AKT3: variants seen among roughly 807,000 people sequenced by gnomAD.
The protein encoded by AKT3 is RAC-gamma serine/threonine-protein kinase.
Under a neutral mutation model 65.3 loss-of-function variants are expected in AKT3, and 15 were observed. The observed-to-expected ratio is 0.23, with a 90% CI of 0.15 to 0.35. AKT3 has a LOEUF of 0.35. Ranked by LOEUF, AKT3 falls within the 10% of genes least tolerant of loss-of-function variation. AKT3 has a pLI of 1.00. For synonymous variants in AKT3, 206 were observed against 183.8 expected (o/e 1.12, Z -0.98); for missense variants, 243 against 576.5 (o/e 0.42, Z 5.92).
chr1:243,606,103 T>C (rs966922762), intron 8 of AKT3, among the ~76,000 whole-genome samples: 2 of 152,214 alleles, frequency 1.3e-5, no homozygotes, highest in Admixed American at 6.5e-5. Flanking sequence ...ATTAAACCTC[T>C]TTCCTTTATA....
At chr1:243,657,592 G>T (rs1437186251) in intron 4 of AKT3, among the ~76,000 whole-genome samples, 1 of 151,906 alleles carries the variant, frequency 6.6e-6, no homozygotes, top group African/African-American at 2.4e-5. Flanking sequence ...CAGATTCAAT[G>T]CAATCCTTTT....
Position 243,503,205 on chromosome 1 carries a change from AAAG to A in AKT3, c.*2041_*2043del, listed in dbSNP as rs1669435288. The A allele has an allele frequency of 8.6e-6, 2 of 233,606 alleles. No individual in the cohort carries two copies. Among genetic ancestry groups the A allele is most frequent in the East Asian group, 6.0e-5 (1 of 16,600 alleles). 14.5% of individuals were successfully genotyped at this position (233,606 alleles called of 1,614,324 possible). On this transcript the variant is annotated 3_prime_UTR_variant, in exon 14 of 14. Transcript: ENST00000673466. ...AACTTCACTCAGGTAGAAATATGAA[AAAG>A]AAGGATAACGTTGATGTCTGAATAT...
At position 243,825,471 on chromosome 1, in the gene AKT3, A is replaced by G. The variant is rs565413688; in HGVS notation, c.46+17654T>C. ...TTTTAAAAGGAGTCAGTGACAGAGG[A>G]ATAAGAAAATAAGGGATAATAACCA... On this transcript the variant is annotated intron_variant, in intron 2 of 13. Transcript: ENST00000673466. Among the ~76,000 whole-genome samples the G allele has an allele frequency of 9.9e-5, 15 of 152,196 alleles. 1 individual carries two copies. Among genetic ancestry groups the G allele is most frequent in the Non-Finnish European group, 1.9e-4 (13 of 68,036 alleles).
intron 4 of AKT3, among the ~76,000 whole-genome samples, chr1:243,654,603 G>A (rs1681623637): frequency 6.6e-6 from 1 of 152,116 alleles, no homozygotes; most frequent in Admixed American, 6.6e-5. Flanking sequence ...ATAGGCATAA[G>A]ACACAATGCC....
intron 2 of AKT3, among the ~76,000 whole-genome samples, chr1:243,705,018 G>C (rs905877172): frequency 6.6e-6 from 1 of 152,128 alleles, no homozygotes; most frequent in African/African-American, 2.4e-5. Context: ...GTGCTTCCGA[G>C]ATGTCTTAAA....
intron 2 of AKT3, among the ~76,000 whole-genome samples, chr1:243,836,536 A>G (rs1163847227): frequency 6.6e-6 from 1 of 152,086 alleles, no homozygotes; most frequent in Non-Finnish European, 1.5e-5. Context: ...TCTTGACTAG[A>G]TATTTATAAC....
chr1:243,546,492 T>C (rs534726929), intron 11 of AKT3: 4 of 152,224 alleles, frequency 2.6e-5, no homozygotes, highest in Non-Finnish European at 5.9e-5. Context: ...GAATTTTATA[T>C]AGTAGGCTTT....
chr1:243,809,869 A>G (rs1364746240), intron 2 of AKT3, among the ~76,000 whole-genome samples: 1 of 152,254 alleles, frequency 6.6e-6, no homozygotes, highest in Non-Finnish European at 1.5e-5. Flanking sequence ...AGAACTCAGG[A>G]TTAAGAAACT....
At chr1:243,621,223 T>C (rs755598586) in intron 6 of AKT3, among the ~76,000 whole-genome samples, 19 of 152,196 alleles carry the variant, frequency 1.2e-4, no homozygotes, top group Non-Finnish European at 2.8e-4. Flanking sequence ...TTTTCATTTA[T>C]TTGTCTCTCT....
chr1:243,824,511 A>G (rs776259012), intron 2 of AKT3, among the ~76,000 whole-genome samples: 1 of 152,210 alleles, frequency 6.6e-6, no homozygotes, highest in Non-Finnish European at 1.5e-5. Context: ...TATCCATCTG[A>G]CAAAGGGCTA....
At chr1:243,755,361 G>A (rs1457484386) in intron 2 of AKT3, among the ~76,000 whole-genome samples, 4 of 151,530 alleles carry the variant, frequency 2.6e-5, no homozygotes, top group African/African-American at 7.3e-5. Context: ...GGCATAAGTC[G>A]CCGTGCCCGG....
At chr1:243,579,300 T>G (rs2148520362) in intron 8 of AKT3, among the ~76,000 whole-genome samples, 1 of 152,168 alleles carries the variant, frequency 6.6e-6, no homozygotes, top group African/African-American at 2.4e-5. Flanking sequence ...TTGTTAAGAC[T>G]GAGAAAGCAA....
chr1:243,574,898 T>A (rs2148511683), intron 8 of AKT3, among the ~76,000 whole-genome samples: 1 of 152,222 alleles, frequency 6.6e-6, no homozygotes, highest in African/African-American at 2.4e-5. Context: ...CATTTAACTT[T>A]ACAAAAAATA....
rs569279135 is a variant in AKT3, at chr1:243,830,058, T to C, written c.46+13067A>G. On this transcript the variant is annotated intron_variant, in intron 2 of 13. Coordinates refer to ENST00000673466, the MANE Select transcript of AKT3 (RefSeq NM_005465.7). ...CAATACAGTCAGCCCTCCATATCTG[T>C]GGGTTTCCCATCTGTGGATTCAACC... 5.3e-5 allele frequency among the ~76,000 whole-genome samples: 8 copies of C among 152,288 alleles called. No individual in the cohort carries two copies. In the East Asian group the frequency reaches 1.5e-3, roughly 29 times the overall value.
chr1:243,603,895 T>C (rs1010753617), intron 8 of AKT3, among the ~76,000 whole-genome samples: 20 of 80,908 alleles, frequency 2.5e-4, no homozygotes, highest in Non-Finnish European at 4.3e-4. Context: ...ATTAATAATC[T>C]TTTTTTTTTT....
chr1:243,844,370 A>AC (rs1174822900), intron 1 of AKT3, among the ~76,000 whole-genome samples: 1 of 152,246 alleles, frequency 6.6e-6, no homozygotes, highest in Non-Finnish European at 1.5e-5. Context: ...AAAAGAAGTC[A>AC]GAGTAAAGGC....
chr1:243,636,524 T>C (rs320328), intron 6 of AKT3, among the ~76,000 whole-genome samples: 7,215 of 152,062 alleles, frequency 0.047, 592 homozygotes, highest in African/African-American at 0.16. Flanking sequence ...CCTCAAAATA[T>C]TCCTGTCCAG....
At chr1:243,841,205 T>C (rs1695220340) in intron 2 of AKT3, among the ~76,000 whole-genome samples, 1 of 152,100 alleles carries the variant, frequency 6.6e-6, no homozygotes, top group African/African-American at 2.4e-5. Context: ...GTCCATGGAC[T>C]AAATACTTTC....
chr1:243,695,566 G>A (rs775215138), intron 3 of AKT3, 25 bp downstream of exon 3: 1 of 1,549,664 alleles, frequency 6.5e-7, no homozygotes, highest in South Asian at 1.2e-5. Context: ...AATACAAGAT[G>A]AATCAACAAT....
Sources: gnomAD v4.1 joint callset for allele counts (sites outside exome capture counted in the v4.1 genomes callset) on GRCh38, gnomAD v4.1.1 for gene constraint, MANE v1.5 for transcripts, NCBI Gene and HGNC (gene_info 2026-07-23, HGNC 2026-07-21) for gene names.